Variants in SORL1 observed in about 807,000 individuals in gnomAD.
SORL1 encodes the protein sortilin related receptor 1.
Under a neutral mutation model 273.7 loss-of-function variants are expected in SORL1, and 127 were observed. The ratio of observed to expected loss-of-function variants is 0.46; its 90% confidence interval spans 0.40 to 0.54. The LOEUF is 0.54. Among genes scored for constraint, SORL1 ranks in the 20% least tolerant of loss-of-function variants. The pLI is 0.00. For missense variants in SORL1, 2,494 were observed against 2,846.1 expected (o/e 0.88, Z 2.81); for synonymous variants, 1,031 against 1,067.4 (o/e 0.97, Z 0.66).
In SORL1 at chr11:121,553,991, T is replaced by G; in HGVS notation, c.2321T>G (p.Leu774Arg). 1 of 1,614,182 alleles carries G rather than the reference T, an allele frequency of 6.2e-7. No individual in the cohort carries two copies. Among genetic ancestry groups the G allele is most frequent in the Non-Finnish European group, 8.5e-7 (1 of 1,180,012 alleles). Residue 774 changes from leucine to arginine, a missense_variant, in exon 17 of 48, where the codon CTG becomes CGG. Coordinates refer to ENST00000260197, the MANE Select transcript of SORL1 (RefSeq NM_003105.6). ...AGGAAATCCATCTACCGCTATGACC[T>G]GGCCTCGGGAGCCACCGAGCAGTTG... ...AVRKSIYRYD[L>R]ASGATEQLPL...
chr11:121,624,381 C>T (rs1405906472), intron 45 of SORL1, among the ~76,000 whole-genome samples: 1 of 152,132 alleles, frequency 6.6e-6, no homozygotes, highest in Non-Finnish European at 1.5e-5. Context: ...AGGTTGTCAG[C>T]CCTCATCCCA....
At chr11:121,475,353 A>G (rs1861248080) in intron 2 of SORL1, among the ~76,000 whole-genome samples, 1 of 152,206 alleles carries the variant, frequency 6.6e-6, no homozygotes, top group African/African-American at 2.4e-5. Context: ...AGGGAAGGAA[A>G]GTTGATGAGT....
chr11:121,473,520 A>G (rs893975070), intron 2 of SORL1, among the ~76,000 whole-genome samples: 1 of 152,270 alleles, frequency 6.6e-6, no homozygotes, highest in Non-Finnish European at 1.5e-5. Flanking sequence ...TATTTTACAA[A>G]GTACTAGGTT....
intron 14 of SORL1, among the ~76,000 whole-genome samples, chr11:121,547,268 T>G (rs1862440805): frequency 1.3e-5 from 2 of 150,822 alleles, no homozygotes; most frequent in Admixed American, 1.3e-4. Context: ...ATCCCCAATA[T>G]GTACTTCAAA....
chr11:121,530,792 C>G (rs1415227475), intron 11 of SORL1, among the ~76,000 whole-genome samples: 1 of 152,072 alleles, frequency 6.6e-6, no homozygotes. Flanking sequence ...TGTTATTGTT[C>G]CTTGTGTCCT....
At position 121,508,438 on chromosome 11, in the gene SORL1, TAA is replaced by T. The variant is rs1861820846; in HGVS notation, c.940-4564_940-4563del. Among the ~76,000 whole-genome samples the T allele has an allele frequency of 1.3e-5, 2 of 152,256 alleles. 1 individual carries two copies. The highest frequency in any genetic ancestry group is 4.1e-4 in the South Asian group (2 of 4,834). The stretch of plus-strand genomic sequence containing the variant: ...ATACTGTCTTCAGAAGTTACAGTGA[TAA>T]GCCTTTGCTAATTTTTATTCACTAT... On this transcript the variant is annotated intron_variant, in intron 6 of 47. Transcript: ENST00000260197.
rs772107875 is a variant in SORL1 at position 121,607,256 on chromosome 11, A to G, written c.5132A>G (p.Lys1711Arg). Residue 1711 changes from lysine to arginine, a missense_variant, in exon 37 of 48, where the codon AAG becomes AGG. Lys to Arg is a conservative substitution (Grantham distance 26). This residue lies in a region of SORL1 where 1,609 missense variants were observed against 1,816.4 expected (regional missense o/e 0.89). Transcript: ENST00000260197. ...QRAASNFTEIKNLLVNTLYTV... is the reference protein window; with the variant it reads ...QRAASNFTEIRNLLVNTLYTV... ...GCTGCTAGTAACTTTACAGAAATCA[A>G]GAACTTATTGGTCAACACTCTATAC... is the stretch of plus-strand genomic sequence containing the variant. The G allele has an allele frequency of 3.7e-6, 6 of 1,610,082 alleles. No homozygotes were observed. The highest frequency in any genetic ancestry group is 5.1e-6 in the Non-Finnish European group (6 of 1,176,458).
chr11:121,557,493 T>C, intron 19 of SORL1, 88 bp downstream of exon 19: 1 of 1,017,922 alleles, frequency 9.8e-7, no homozygotes, highest in Non-Finnish European at 1.5e-6. Context: ...GGACAAAAAC[T>C]CTGTTTCTCA....
At chr11:121,519,798 C>T (rs552850149) in intron 8 of SORL1, among the ~76,000 whole-genome samples, 1 of 152,270 alleles carries the variant, frequency 6.6e-6, no homozygotes, top group African/African-American at 2.4e-5. Flanking sequence ...TGAAGGCTCA[C>T]TGGAGGATTT....
chr11:121,499,053 A>G (rs1861673486), intron 6 of SORL1, among the ~76,000 whole-genome samples: 1 of 152,168 alleles, frequency 6.6e-6, no homozygotes, highest in Non-Finnish European at 1.5e-5. Flanking sequence ...CCGATACAGT[A>G]CCCAGTGCCT....
chr11:121,550,505 G>A lies in SORL1; in HGVS notation c.2181-80G>A, dbSNP rs1862491025. 13 of 1,176,620 alleles carry A rather than the reference G, an allele frequency of 1.1e-5. No individual in the cohort carries two copies. Among genetic ancestry groups the A allele is most frequent in the Middle Eastern group, 2.0e-4 (1 of 4,892 alleles). The allele number at this position is 1,176,620 out of a possible 1,614,324, so 72.9% of individuals were successfully genotyped here. On this transcript the variant is annotated intron_variant, in intron 15 of 47. Transcript: ENST00000260197. The surrounding 1 kb of genome is among the most constrained non-coding windows in gnomAD (Gnocchi z 5.3). ...GGATGGACTCTACTGGCCGTGGGTA[G>A]TAAGTGTATTCCCAGCTGGGATGCC...
chr11:121,485,727 G>A (rs1392011284), intron 3 of SORL1, among the ~76,000 whole-genome samples: 2 of 152,186 alleles, frequency 1.3e-5, no homozygotes. Context: ...TTGGGAGCAG[G>A]AAGATGGACT....
intron 2 of SORL1, 37 bp downstream of exon 2, chr11:121,470,160 C>G: frequency 7.4e-7 from 1 of 1,354,128 alleles, no homozygotes. Flanking sequence ...ACCTTGGTGC[C>G]ATCAACATGC....
At chr11:121,464,366 C>A (rs1254559045) in intron 1 of SORL1, among the ~76,000 whole-genome samples, 1 of 152,182 alleles carries the variant, frequency 6.6e-6, no homozygotes, top group Admixed American at 6.5e-5. Flanking sequence ...ACCCTAATTC[C>A]CCCAGAAGTG....
At chr11:121,573,257 A>G (rs959339875) in intron 23 of SORL1, among the ~76,000 whole-genome samples, 7 of 152,228 alleles carry the variant, frequency 4.6e-5, no homozygotes, top group African/African-American at 1.7e-4. Flanking sequence ...GTTTATCTTC[A>G]TAATAATGCT....
In SORL1 at chr11:121,596,102, CT is replaced by C. The variant is rs1863291628; in HGVS notation, c.4519+332del. Among the ~76,000 whole-genome samples, 1 of 152,220 alleles carries C rather than the reference CT, an allele frequency of 6.6e-6. No homozygotes were observed. Among genetic ancestry groups the C allele is most frequent in the Non-Finnish European group, 1.5e-5 (1 of 68,038 alleles). On this transcript the variant is annotated intron_variant, in intron 32 of 47. Transcript: ENST00000260197. The surrounding 1 kb of genome is among the most constrained non-coding windows in gnomAD (Gnocchi z 4.3). ...AACGCCCTTGGGGAAAGCCACAACT[CT>C]TCTGTATGTACATTCATTCTTCTGG...
intron 34 of SORL1, 23 bp from the exon 35 acceptor site, chr11:121,605,379 A>G: frequency 6.2e-7 from 1 of 1,603,780 alleles, no homozygotes; most frequent in South Asian, 1.1e-5. Flanking sequence ...GTGTGACAAT[A>G]TCTTTATTTT....
At chr11:121,573,570 G>T (rs950435496) in intron 23 of SORL1, among the ~76,000 whole-genome samples, 2 of 152,104 alleles carry the variant, frequency 1.3e-5, no homozygotes, top group Non-Finnish European at 2.9e-5. Flanking sequence ...CCGAGATTGC[G>T]CCACTGCACT....
rs1267777012 is a variant in SORL1 at position 121,522,625 on chromosome 11, A to G, written c.1444A>G (p.Ser482Gly). 4 of 1,614,094 alleles carry G rather than the reference A, an allele frequency of 2.5e-6. No homozygotes were observed. Among genetic ancestry groups the G allele is most frequent in the Non-Finnish European group, 2.5e-6 (3 of 1,180,030 alleles). The change falls in exon 10 of 48, where the codon AGT (serine) becomes GGT (glycine). Residue 482 changes from serine (S) to glycine (G), a missense_variant. Around this residue, in one of 3 missense-constraint regions of SORL1, gnomAD observed 710 missense variants for 882.5 expected, o/e 0.80. Coordinates refer to ENST00000260197, the MANE Select transcript of SORL1 (RefSeq NM_003105.6). ...TTCCCTTCATCTGGCTCAGCGCCTC[A>G]GTCAGCTCCTCAACCTCCAGCTCCG... ...GCSLHLAQRL[S>G]QLLNLQLRRM...
Sources: gnomAD v4.1 joint callset for allele counts (sites outside exome capture counted in the v4.1 genomes callset) on GRCh38, gnomAD v4.1.1 for gene constraint, gnomAD v4.1.1 regional missense constraint, Gnocchi (gnomAD v3.1) non-coding constraint, MANE v1.5 for transcripts, NCBI Gene and HGNC (gene_info 2026-07-23, HGNC 2026-07-21) for gene names.